The following ALG5 variants were observed in gnomAD, a reference collection of about 807,000 sequenced individuals.
ALG5 encodes the protein ALG5 dolichyl-phosphate beta-glucosyltransferase.
In ALG5, 26 loss-of-function variants were observed where a neutral mutation model predicts 51.8. The observed-to-expected ratio is 0.50, with a 90% CI of 0.37 to 0.70. The LOEUF is 0.70. ALG5 is among the 30% of genes least tolerant of loss of function. ALG5 has a pLI of 0.00. For synonymous variants in ALG5, 141 were observed against 136.1 expected (o/e 1.04, Z -0.25); for missense variants, 311 against 399.3 (o/e 0.78, Z 1.88).
chr13:36,996,981 A>C (rs2138833891), intron 1 of ALG5, among the ~76,000 whole-genome samples: 1 of 152,376 alleles, frequency 6.6e-6, no homozygotes, highest in East Asian at 1.9e-4. Flanking sequence ...CTGATGAGAC[A>C]CAAGAGAAAG....
chr13:36,986,640 G>C (rs1814239374), intron 5 of ALG5, among the ~76,000 whole-genome samples: 1 of 152,088 alleles, frequency 6.6e-6, no homozygotes, highest in Non-Finnish European at 1.5e-5. Context: ...AAATGCAAAA[G>C]GCTAGGTGAG....
In ALG5 at chr13:36,993,677, A is replaced by G; in HGVS notation, c.286-5T>C. 6.2e-7 allele frequency: 1 copy of G among 1,611,358 alleles called. No individual in the cohort carries two copies. Among genetic ancestry groups the G allele is most frequent in the Non-Finnish European group, 8.5e-7 (1 of 1,178,382 alleles). The stretch of plus-strand genomic sequence containing the variant: ...AGTGAACGCAGGATCTCGTTTCTGC[A>G]AGAAACAAAAATAAAGTAATACAAT... On this transcript the variant is annotated splice_polypyrimidine_tract_variant and splice_region_variant and intron_variant, in intron 3 of 9. Coordinates refer to ENST00000239891, the MANE Select transcript of ALG5 (RefSeq NM_013338.5).
intron 1 of ALG5, among the ~76,000 whole-genome samples, chr13:36,998,476 A>G (rs1347742966): frequency 2.6e-5 from 4 of 152,202 alleles, no homozygotes; most frequent in Non-Finnish European, 1.5e-5. Context: ...TACTAACTAG[A>G]GGGCAGGCTC....
intron 6 of ALG5, among the ~76,000 whole-genome samples, chr13:36,974,960 C>T (rs972899821): frequency 6.6e-6 from 1 of 152,296 alleles, no homozygotes; most frequent in Admixed American, 6.5e-5. Flanking sequence ...CGCCTGTAAT[C>T]CCAGCACTTT....
At chr13:36,950,735 G>A (rs1024736560) in intron 9 of ALG5, among the ~76,000 whole-genome samples, 24 of 151,976 alleles carry the variant, frequency 1.6e-4, no homozygotes, top group African/African-American at 5.5e-4. Context: ...CAGGAGGCAC[G>A]CACCACACCT....
chr13:36,965,446 G>A, intron 8 of ALG5, 129 bp downstream of exon 8: 1 of 995,808 alleles, frequency 1.0e-6, no homozygotes, highest in Non-Finnish European at 1.5e-6. Flanking sequence ...GCAAGATCAA[G>A]TTTACATACA....
intron 8 of ALG5, among the ~76,000 whole-genome samples, chr13:36,954,948 T>C (rs1265521072): frequency 6.6e-6 from 1 of 152,022 alleles, no homozygotes; most frequent in Non-Finnish European, 1.5e-5. Context: ...AAAAAAAACC[T>C]TGGAAGTTGT....
intron 7 of ALG5, chr13:36,967,592 A>C (rs1362810954): frequency 1.1e-5 from 3 of 285,448 alleles, no homozygotes; most frequent in Non-Finnish European, 2.1e-5. Context: ...GGTATGTAAA[A>C]CAAACTTTTA....
intron 4 of ALG5, among the ~76,000 whole-genome samples, chr13:36,990,653 T>C (rs1309874890): frequency 3.9e-5 from 6 of 152,334 alleles, no homozygotes; most frequent in South Asian, 2.1e-4. Context: ...TAGTTATATA[T>C]TGGATAAATA....
intron 8 of ALG5, among the ~76,000 whole-genome samples, chr13:36,963,131 T>C (rs865953358): frequency 6.6e-6 from 1 of 152,066 alleles, no homozygotes; most frequent in South Asian, 2.1e-4. Context: ...AATTTTTTTT[T>C]CTGGAGACAG....
At chr13:36,971,649 CAAA>C (rs35424140) in intron 7 of ALG5, among the ~76,000 whole-genome samples, 1 of 50,700 alleles carries the variant, frequency 2.0e-5, no homozygotes, top group Non-Finnish European at 3.3e-5. Context: ...ACTCCGTCTC[CAAA>C]AAAAAAAAAA....
intron 6 of ALG5, among the ~76,000 whole-genome samples, chr13:36,972,310 T>C (rs9547708): frequency 0.38 from 57,832 of 151,948 alleles, 11,783 homozygotes; most frequent in Non-Finnish European, 0.46. Flanking sequence ...TGTGTGAAAA[T>C]ACTATATTAT....
intron 4 of ALG5, among the ~76,000 whole-genome samples, chr13:36,990,939 A>C (rs990008129): frequency 3.1e-4 from 47 of 152,174 alleles, no homozygotes; most frequent in African/African-American, 1.1e-3. Flanking sequence ...TCCCTAATTC[A>C]TTCCTAAAGT....
chr13:36,997,468 A>C (rs2059056574), intron 1 of ALG5, among the ~76,000 whole-genome samples: 2 of 3,052 alleles, frequency 6.6e-4, no homozygotes, highest in Non-Finnish European at 1.1e-3. Flanking sequence ...CTCCGTCTCA[A>C]AAAAAAAAAA....
Position 36,995,036 on chromosome 13 carries a change from CT to C in ALG5, c.239-2del. 1 of 1,612,646 alleles carries C rather than the reference CT, an allele frequency of 6.2e-7. No homozygotes were observed. Among genetic ancestry groups the C allele is most frequent in the Non-Finnish European group, 8.5e-7 (1 of 1,178,990 alleles). Reference sequence around the variant, plus strand: ...AGAGCTTCATCCATCATCACAGGCACTTGAAGAAAAAAATATATTAAAAATC... The same window carrying C: ...AGAGCTTCATCCATCATCACAGGCACTGAAGAAAAAAATATATTAAAAATC... On this transcript the variant is annotated splice_acceptor_variant, in intron 2 of 9. Coordinates refer to ENST00000239891, the MANE Select transcript of ALG5 (RefSeq NM_013338.5). LOFTEE classifies it high-confidence loss of function.
At chr13:36,991,557 T>G (rs112936594) in intron 4 of ALG5, among the ~76,000 whole-genome samples, 11,486 of 152,252 alleles carry the variant, frequency 0.075, 1,478 homozygotes, top group African/African-American at 0.26. Flanking sequence ...AATAATGCAG[T>G]GACAACTGTG....
At chr13:36,993,312 G>C (rs2059033674) in intron 4 of ALG5, among the ~76,000 whole-genome samples, 1 of 152,170 alleles carries the variant, frequency 6.6e-6, no homozygotes, top group African/African-American at 2.4e-5. Context: ...AAGAAACTGT[G>C]CTTAGGGAAA....
At chr13:36,955,529 TAGC>T (rs1317453628) in intron 8 of ALG5, among the ~76,000 whole-genome samples, 1 of 151,906 alleles carries the variant, frequency 6.6e-6, no homozygotes, top group South Asian at 2.1e-4. Context: ...ACAATTTTGA[TAGC>T]AGAGATAAAA....
At chr13:36,983,166 A>G (rs1040204277) in intron 6 of ALG5, among the ~76,000 whole-genome samples, 1 of 152,184 alleles carries the variant, frequency 6.6e-6, no homozygotes, top group Non-Finnish European at 1.5e-5. Context: ...CTGAATGACA[A>G]AATCAGCTGC....
Sources: allele counts gnomAD v4.1 joint callset (sites outside exome capture counted in the v4.1 genomes callset), GRCh38; gene constraint gnomAD v4.1.1; transcripts MANE v1.5; gene names NCBI Gene and HGNC (gene_info 2026-07-23, HGNC 2026-07-21).